Variants in NALF1 observed in about 807,000 individuals in gnomAD.
NALF1 encodes the protein NALCN channel auxiliary factor 1.
A neutral mutation model predicts 48.4 loss-of-function variants in NALF1; 3 were observed. That is an observed-to-expected ratio of 0.06 (90% CI 0.03 to 0.16). The LOEUF (loss-of-function observed/expected upper bound fraction) is 0.16, where lower values mean the gene tolerates loss of function less well. Among genes scored for constraint, NALF1 ranks in the 10% least tolerant of loss-of-function variants. The pLI is 1.00. For synonymous variants in NALF1, 262 were observed against 245.7 expected (o/e 1.07, Z -0.62); for missense variants, 526 against 571.5 (o/e 0.92, Z 0.81).
chr13:107,797,771 A>G (rs973624673), intron 1 of NALF1, among the ~76,000 whole-genome samples: 5 of 151,250 alleles, frequency 3.3e-5, no homozygotes, highest in Non-Finnish European at 7.4e-5. Flanking sequence ...TGGGGAAGAT[A>G]AAAAGAATAA....
At chr13:107,676,733 C>A (rs1273313560) in intron 1 of NALF1, among the ~76,000 whole-genome samples, 1 of 151,744 alleles carries the variant, frequency 6.6e-6, no homozygotes, top group African/African-American at 2.4e-5. Flanking sequence ...CATGTATATA[C>A]CCCACATTTG....
In NALF1 at chr13:107,312,832, A is replaced by T. The variant is rs77858777; in HGVS notation, c.916-102077T>A. On this transcript the variant is annotated intron_variant, in intron 1 of 2. Coordinates refer to ENST00000375915, the MANE Select transcript of NALF1 (RefSeq NM_001080396.3). Reference sequence around the variant, plus strand: ...CACAGAGTACTATGGAAAAATGTGAAAATTCTCATCTACCAATATAAAATT... The same window carrying T: ...CACAGAGTACTATGGAAAAATGTGATAATTCTCATCTACCAATATAAAATT... Among the ~76,000 whole-genome samples, 46 of 152,316 alleles carry T rather than the reference A, an allele frequency of 3.0e-4. 1 individual carries two copies. In the East Asian group the frequency reaches 8.9e-3, roughly 29 times the overall value.
intron 1 of NALF1, among the ~76,000 whole-genome samples, chr13:107,801,239 A>C (rs1878603424): frequency 6.6e-6 from 1 of 152,224 alleles, no homozygotes; most frequent in Non-Finnish European, 1.5e-5. Context: ...ATGAGTGAAT[A>C]TAATTATATC....
intron 1 of NALF1, among the ~76,000 whole-genome samples, chr13:107,327,111 T>C (rs1882379125): frequency 6.6e-6 from 1 of 152,212 alleles, no homozygotes; most frequent in African/African-American, 2.4e-5. Flanking sequence ...GTTATGACTT[T>C]CTTTAGGTCT....
At chr13:107,637,331 T>C (rs1880006800) in intron 1 of NALF1, among the ~76,000 whole-genome samples, 2 of 152,118 alleles carry the variant, frequency 1.3e-5, no homozygotes, top group African/African-American at 4.8e-5. Context: ...GTAATTATTC[T>C]ATTTGGGGAA....
At chr13:107,823,977 G>GTTATTA (rs138189827) in intron 1 of NALF1, among the ~76,000 whole-genome samples, 4,369 of 148,776 alleles carry the variant, frequency 0.029, 126 homozygotes, top group African/African-American at 0.067. Flanking sequence ...TACCATTGCT[G>GTTATTA]TTATTATTAT....
chr13:107,621,664 C>T (rs1184554504), intron 1 of NALF1, among the ~76,000 whole-genome samples: 1 of 152,196 alleles, frequency 6.6e-6, no homozygotes, highest in Non-Finnish European at 1.5e-5. Flanking sequence ...TTCTCCCAGT[C>T]ATGCCTGATT....
chr13:107,333,316 A>G (rs1054346932), intron 1 of NALF1, among the ~76,000 whole-genome samples: 4 of 152,226 alleles, frequency 2.6e-5, no homozygotes, highest in African/African-American at 7.2e-5. Context: ...TAGGAATACC[A>G]GACAGTGCTT....
At chr13:107,240,375 A>T (rs999297854) in intron 1 of NALF1, among the ~76,000 whole-genome samples, 12 of 152,218 alleles carry the variant, frequency 7.9e-5, no homozygotes, top group Admixed American at 6.5e-5. Flanking sequence ...TTTTTATAGT[A>T]GTCCAAACAC....
Position 107,858,267 on chromosome 13 carries a change from G to A in NALF1, c.915+7415C>T, listed in dbSNP as rs150230067. On this transcript the variant is annotated intron_variant, in intron 1 of 2. Coordinates refer to ENST00000375915, the MANE Select transcript of NALF1 (RefSeq NM_001080396.3). Reference sequence around the variant, plus strand: ...AAATATGGCAAAATTCGTAATAATTGTAAAATGTATAAGACAGTTACATGT... The same window carrying A: ...AAATATGGCAAAATTCGTAATAATTATAAAATGTATAAGACAGTTACATGT... Among the ~76,000 whole-genome samples, 141 of 152,320 alleles carry A rather than the reference G, an allele frequency of 9.3e-4. 1 individual carries two copies. The highest frequency in any genetic ancestry group is 3.4e-3 in the Middle Eastern group (1 of 294).
intron 1 of NALF1, among the ~76,000 whole-genome samples, chr13:107,484,220 T>C (rs890901883): frequency 1.3e-5 from 2 of 152,176 alleles, no homozygotes; most frequent in African/African-American, 4.8e-5. Context: ...TATATTGCAG[T>C]AATTCTAAAA....
intron 1 of NALF1, among the ~76,000 whole-genome samples, chr13:107,680,517 G>A (rs981894591): frequency 1.3e-5 from 2 of 151,812 alleles, no homozygotes; most frequent in African/African-American, 4.8e-5. Context: ...CACGAGTGAG[G>A]GTGTGTGAGG....
intron 1 of NALF1, among the ~76,000 whole-genome samples, chr13:107,212,964 C>T (rs1253515606): frequency 6.6e-6 from 1 of 152,014 alleles, no homozygotes; most frequent in Non-Finnish European, 1.5e-5. Context: ...CCATTCCCAC[C>T]GCTCCCTCAC....
At chr13:107,758,653 GGAGCTGGTAGTGAGCC>G (rs1323185919) in intron 1 of NALF1, among the ~76,000 whole-genome samples, 1 of 152,096 alleles carries the variant, frequency 6.6e-6, no homozygotes, top group Non-Finnish European at 1.5e-5. Flanking sequence ...CCCGGGAGAT[GGAGCTGGTAGTGAGCC>G]GAGATAGCGC....
intron 1 of NALF1, among the ~76,000 whole-genome samples, chr13:107,331,668 T>G (rs1882471490): frequency 6.6e-6 from 1 of 152,188 alleles, no homozygotes. Flanking sequence ...TTCTCTATAC[T>G]TTATCACGAA....
At chr13:107,510,081 T>G (rs2139086511) in intron 1 of NALF1, among the ~76,000 whole-genome samples, 1 of 152,262 alleles carries the variant, frequency 6.6e-6, no homozygotes, top group Admixed American at 6.5e-5. Context: ...AGGGCTGGGA[T>G]TACAGGTGTG....
intron 1 of NALF1, among the ~76,000 whole-genome samples, chr13:107,535,958 C>T (rs138109683): frequency 0.017 from 2,626 of 152,106 alleles, 68 homozygotes; most frequent in African/African-American, 0.059. Flanking sequence ...ACAAACCTGA[C>T]AAAAACAAGA....
chr13:107,509,611 T>C (rs888488122), intron 1 of NALF1, among the ~76,000 whole-genome samples: 7 of 152,094 alleles, frequency 4.6e-5, no homozygotes, highest in African/African-American at 1.7e-4. Flanking sequence ...GTATATCTTA[T>C]TATATGCAGA....
intron 1 of NALF1, among the ~76,000 whole-genome samples, chr13:107,852,771 T>A (rs1047554453): frequency 1.3e-5 from 2 of 152,288 alleles, no homozygotes; most frequent in African/African-American, 4.8e-5. Flanking sequence ...AAGTACATTA[T>A]CTGTTGTCAT....
Sources: allele counts gnomAD v4.1 joint callset (sites outside exome capture counted in the v4.1 genomes callset), GRCh38; gene constraint gnomAD v4.1.1; transcripts MANE v1.5; gene names NCBI Gene and HGNC (gene_info 2026-07-23, HGNC 2026-07-21).